Variants in GAS7 observed in about 807,000 individuals in gnomAD.
GAS7 encodes the protein growth arrest specific 7, also known as growth arrest-specific protein 7.
In GAS7, 28 loss-of-function variants were observed where a neutral mutation model predicts 71.1. The observed-to-expected ratio is 0.39, with a 90% confidence interval of 0.29 to 0.54. GAS7 has a LOEUF of 0.54. GAS7 is among the 20% of genes least tolerant of loss of function. The pLI is 0.62. For synonymous variants in GAS7, 258 were observed against 245.8 expected, an observed-to-expected ratio of 1.05 and a Z score of -0.46; for missense variants, 436 against 627.8, an observed-to-expected ratio of 0.69 and a Z score of 3.27.
intron 1 of GAS7, among the ~76,000 whole-genome samples, chr17:10,045,238 G>A (rs573737549): frequency 4.7e-4 from 71 of 152,280 alleles, no homozygotes; most frequent in Non-Finnish European, 2.4e-4. Context: ...TGCCATTAAA[G>A]AAGAGAACAA....
chr17:9,942,510 T>C (rs1250066635), intron 7 of GAS7, among the ~76,000 whole-genome samples: 1 of 152,142 alleles, frequency 6.6e-6, no homozygotes, highest in African/African-American at 2.4e-5. Context: ...TATTGTTTCT[T>C]CATCTGTGTT....
intron 1 of GAS7, among the ~76,000 whole-genome samples, chr17:10,072,561 G>A (rs1335641654): frequency 1.3e-5 from 2 of 152,174 alleles, no homozygotes; most frequent in Non-Finnish European, 2.9e-5. Context: ...TTCTCCTGCT[G>A]TCTAACAGAT....
chr17:9,927,444 C>T (rs1436696832), intron 9 of GAS7, among the ~76,000 whole-genome samples: 1 of 151,262 alleles, frequency 6.6e-6, no homozygotes, highest in African/African-American at 2.4e-5. Flanking sequence ...TGTGCCACTG[C>T]ACTTCAGCCT....
rs898492881 is a variant in GAS7, at chr17:10,026,486, G to T, written c.184-6589C>A. ...TCCTCCACAAAGGACTCTCCAGCAA[G>T]TTCTCTCTTCCCCAACCACGGAGGC... is the stretch of plus-strand genomic sequence containing the variant. On this transcript the variant is annotated intron_variant, in intron 1 of 13. Transcript: ENST00000432992. This position sits in a 1 kb window ranked among gnomAD's most constrained non-coding sequence, Gnocchi z 4.5. Among the ~76,000 whole-genome samples the T allele has an allele frequency of 1.3e-5, 2 of 152,216 alleles. No individual in the cohort carries two copies. The highest frequency in any genetic ancestry group is 4.8e-5 in the African/African-American group (2 of 41,454).
intron 2 of GAS7, among the ~76,000 whole-genome samples, chr17:10,014,495 C>A (rs1401682097): frequency 6.6e-6 from 1 of 152,166 alleles, no homozygotes; most frequent in Admixed American, 6.5e-5. Context: ...CCCCAAGGCC[C>A]CTGACTCTCT....
intron 2 of GAS7, among the ~76,000 whole-genome samples, chr17:10,005,404 G>A (rs1597665523): frequency 6.6e-6 from 1 of 150,974 alleles, no homozygotes; most frequent in South Asian, 2.1e-4. Context: ...CGCAATACTT[G>A]ATGTAAAATC....
chr17:10,156,912 C>T (rs1457792286), intron 1 of GAS7, among the ~76,000 whole-genome samples: 1 of 152,146 alleles, frequency 6.6e-6, no homozygotes, highest in East Asian at 1.9e-4. Context: ...CCTCCAGGCA[C>T]CCTCAATAGT....
intron 1 of GAS7, among the ~76,000 whole-genome samples, chr17:10,062,617 A>G (rs1468053901): frequency 1.3e-5 from 2 of 152,266 alleles, no homozygotes; most frequent in Non-Finnish European, 2.9e-5. Context: ...TCTTGCCCAT[A>G]GAAACCACAC....
chr17:10,078,912 G>C (rs2073426053), intron 1 of GAS7, among the ~76,000 whole-genome samples: 1 of 152,156 alleles, frequency 6.6e-6, no homozygotes, highest in African/African-American at 2.4e-5. Flanking sequence ...TAATTAGCCA[G>C]GTGTGATGGT....
In GAS7 at chr17:9,969,797, G is replaced by A. The variant is rs913296172; in HGVS notation, c.386-35C>T. On this transcript the variant is annotated intron_variant, in intron 3 of 13. Coordinates refer to ENST00000432992, the MANE Select transcript of GAS7 (RefSeq NM_201433.2). This position sits in a 1 kb window ranked among gnomAD's most constrained non-coding sequence, Gnocchi z 5.5. ...CAGAGACACGGCTCAGATGCTGTGTGGGCCACAGATGGGCACCCCCGCCTT... is the reference window on the plus strand; with the variant it reads ...CAGAGACACGGCTCAGATGCTGTGTAGGCCACAGATGGGCACCCCCGCCTT... 3.6e-6 allele frequency: 5 copies of A among 1,388,314 alleles called. No individual in the cohort carries two copies. The highest frequency in any genetic ancestry group is 3.5e-5 in the South Asian group (3 of 86,360). 86.0% of individuals were successfully genotyped at this position (1,388,314 alleles called of 1,614,324 possible). A position where few individuals can be genotyped will look rare whatever the true frequency, so the allele number is the denominator to read the frequency against.
chr17:9,937,293 T>C (rs2068435539), intron 8 of GAS7, among the ~76,000 whole-genome samples: 1 of 152,382 alleles, frequency 6.6e-6, no homozygotes, highest in Admixed American at 6.5e-5. Context: ...GGAGCTGGAC[T>C]GCTCGGGTGA....
chr17:10,188,594 C>T (rs1327956602), intron 1 of GAS7, among the ~76,000 whole-genome samples: 2 of 152,152 alleles, frequency 1.3e-5, no homozygotes, highest in Middle Eastern at 3.4e-3. Flanking sequence ...CAATCACTGG[C>T]GAGACTAAAT....
intron 11 of GAS7, among the ~76,000 whole-genome samples, chr17:9,921,124 A>G (rs1430406678): frequency 6.6e-6 from 1 of 152,026 alleles, no homozygotes; most frequent in Non-Finnish European, 1.5e-5. Flanking sequence ...GGAGAGAAGA[A>G]AGTGGATGCT....
intron 1 of GAS7, among the ~76,000 whole-genome samples, chr17:10,164,313 G>A (rs1281971507): frequency 6.6e-6 from 1 of 151,760 alleles, no homozygotes; most frequent in Non-Finnish European, 1.5e-5. Context: ...TTGGTGGTGC[G>A]CGCTTGTAGT....
chr17:9,957,572 G>A (rs906040076), intron 5 of GAS7, among the ~76,000 whole-genome samples: 6 of 151,626 alleles, frequency 4.0e-5, no homozygotes, highest in African/African-American at 1.5e-4. Flanking sequence ...CTCCCACTCC[G>A]ACCTCCCCCC....
Position 10,002,409 on chromosome 17 carries a change from C to CTT in GAS7, c.304+17366_304+17367dup, listed in dbSNP as rs113274292. The stretch of plus-strand genomic sequence containing the variant: ...CCACTATACTCCAGGAAGACCACAT[C>CTT]TTTTTATTTTTTTAATTATACTTTA... On this transcript the variant is annotated intron_variant, in intron 2 of 13. Coordinates refer to ENST00000432992, the MANE Select transcript of GAS7 (RefSeq NM_201433.2). 9.1e-3 allele frequency among the ~76,000 whole-genome samples: 1,370 copies of CTT among 151,332 alleles called. 32 individuals are homozygous for CTT. Among genetic ancestry groups the CTT allele is most frequent in the East Asian group, 0.079 (408 of 5,164 alleles).
intron 1 of GAS7, among the ~76,000 whole-genome samples, chr17:10,110,979 T>G (rs1223704522): frequency 6.6e-6 from 1 of 152,198 alleles, no homozygotes; most frequent in African/African-American, 2.4e-5. Context: ...ACCCCATAAA[T>G]ATGTAAAACA....
intron 1 of GAS7, among the ~76,000 whole-genome samples, chr17:10,193,355 C>G (rs2074516909): frequency 6.6e-6 from 1 of 151,656 alleles, no homozygotes; most frequent in Admixed American, 6.6e-5. Context: ...TCTCTCTCAT[C>G]AGTCTGGCCC....
intron 2 of GAS7, among the ~76,000 whole-genome samples, chr17:10,014,272 T>C (rs1217031386): frequency 6.6e-6 from 1 of 152,164 alleles, no homozygotes; most frequent in Admixed American, 6.5e-5. Context: ...AGATTCTACC[T>C]CCTCCTCTCC....
Sources: allele counts gnomAD v4.1 joint callset (sites outside exome capture counted in the v4.1 genomes callset), GRCh38; gene constraint gnomAD v4.1.1; non-coding constraint Gnocchi (gnomAD v3.1); transcripts MANE v1.5; gene names NCBI Gene and HGNC (gene_info 2026-07-23, HGNC 2026-07-21).